Variants in TANC2 observed in about 807,000 individuals in gnomAD.
TANC2 encodes tetratricopeptide repeat, ankyrin repeat and coiled-coil containing 2.
A neutral mutation model predicts 210.5 loss-of-function variants in TANC2; 26 were observed. The ratio of observed to expected loss-of-function variants is 0.12; its 90% confidence interval spans 0.09 to 0.17. TANC2 has a LOEUF of 0.17. TANC2 is among the 10% of genes least tolerant of loss of function. The pLI, the probability that TANC2 is intolerant of heterozygous loss-of-function variation, is 1.00. For missense variants in TANC2, 2,129 were observed against 2,608.9 expected (o/e 0.82, Z 4.01); for synonymous variants, 931 against 967.1 (o/e 0.96, Z 0.69).
chr17:63,149,343 C>A (rs187553474), intron 4 of TANC2: 1 of 152,188 alleles, frequency 6.6e-6, no homozygotes, highest in Admixed American at 6.5e-5. Flanking sequence ...TCTCATAATT[C>A]TTGTACACGC....
chr17:63,309,667 A>G (rs2045050562), intron 9 of TANC2, among the ~76,000 whole-genome samples: 1 of 152,180 alleles, frequency 6.6e-6, no homozygotes, highest in Admixed American at 6.5e-5. Context: ...AACTGTCAGA[A>G]CTGAATGAAT....
intron 5 of TANC2, among the ~76,000 whole-genome samples, chr17:63,161,106 T>A (rs2040010384): frequency 6.6e-6 from 1 of 152,208 alleles, no homozygotes; most frequent in African/African-American, 2.4e-5. Context: ...CATCCTTTAA[T>A]GAGTTTTCTC....
intron 15 of TANC2, chr17:63,388,187 AC>A (rs2047846528): frequency 6.5e-6 from 1 of 152,696 alleles, no homozygotes; most frequent in South Asian, 2.1e-4. Context: ...AATTTTATTC[AC>A]CAGAATTCAG....
At chr17:63,310,821 G>A (rs935904397) in intron 9 of TANC2, among the ~76,000 whole-genome samples, 3 of 152,184 alleles carry the variant, frequency 2.0e-5, no homozygotes, top group African/African-American at 7.2e-5. Context: ...GAGGGATATG[G>A]TCATTTTCAC....
chr17:63,326,426 T>C (rs2045648948), intron 11 of TANC2, among the ~76,000 whole-genome samples: 1 of 152,172 alleles, frequency 6.6e-6, no homozygotes, highest in Non-Finnish European at 1.5e-5. Context: ...GGAAGAAAAC[T>C]TAGTAACTTT....
chr17:63,420,991 A>G lies in TANC2; in HGVS notation c.5261A>G (p.Asp1754Gly). The G allele has an allele frequency of 6.2e-7, 1 of 1,613,980 alleles. No individual in the cohort carries two copies. Among genetic ancestry groups the G allele is most frequent in the Non-Finnish European group, 8.5e-7 (1 of 1,179,888 alleles). The change falls in exon 28 of 28, where the codon GAT (aspartate) becomes GGT (glycine). Residue 1754 changes from aspartate (D) to glycine (G), a missense_variant. Physicochemically the swap from Asp to Gly is moderately conservative, Grantham distance 94. Transcript: ENST00000689528. This position sits in a 1 kb window ranked among gnomAD's most constrained non-coding sequence, Gnocchi z 4.2. ...GGGTCAATTGGGGGAATCGTAGGGGATGGAAGGCCGGTGCAGCATGTCCAA... is the reference window on the plus strand; with the variant it reads ...GGGTCAATTGGGGGAATCGTAGGGGGTGGAAGGCCGGTGCAGCATGTCCAA...
chr17:63,188,586 CAA>C (rs1046526941), intron 5 of TANC2, among the ~76,000 whole-genome samples: 8 of 58,724 alleles, frequency 1.4e-4, no homozygotes, highest in African/African-American at 1.2e-4. Flanking sequence ...AGACTCTGTC[CAA>C]AAAAAAAAAA....
intron 2 of TANC2, among the ~76,000 whole-genome samples, chr17:63,063,987 T>C (rs895531220): frequency 6.6e-6 from 1 of 152,180 alleles, no homozygotes; most frequent in African/African-American, 2.4e-5. Flanking sequence ...ACTGAGTATG[T>C]AATCTTCAAT....
intron 4 of TANC2, among the ~76,000 whole-genome samples, chr17:63,135,102 G>A (rs2039046305): frequency 6.6e-6 from 1 of 152,134 alleles, no homozygotes; most frequent in African/African-American, 2.4e-5. Flanking sequence ...TGTGGTCCCA[G>A]CTACTTGGGA....
chr17:63,062,462 C>A (rs1397432910), intron 2 of TANC2, among the ~76,000 whole-genome samples: 3 of 152,194 alleles, frequency 2.0e-5, no homozygotes, highest in African/African-American at 7.2e-5. Flanking sequence ...CAAGAGTACA[C>A]ATGGCTAAAC....
intron 1 of TANC2, among the ~76,000 whole-genome samples, chr17:62,999,609 G>A (rs1285767325): frequency 6.6e-6 from 1 of 150,944 alleles, no homozygotes; most frequent in African/African-American, 2.5e-5. Context: ...AAAACATTAT[G>A]AGATTTTTTT....
chr17:63,059,692 TG>T (rs1262250344), intron 2 of TANC2, among the ~76,000 whole-genome samples: 1 of 152,070 alleles, frequency 6.6e-6, no homozygotes, highest in Non-Finnish European at 1.5e-5. Context: ...TGTTTTGTTT[TG>T]TTTTTTTGTT....
intron 2 of TANC2, 129 bp downstream of exon 2, chr17:63,009,755 T>C: frequency 1.3e-6 from 1 of 756,142 alleles, no homozygotes; most frequent in Non-Finnish European, 2.2e-6. Flanking sequence ...TACATTTCTT[T>C]GGGCTTTCAT....
intron 8 of TANC2, among the ~76,000 whole-genome samples, chr17:63,239,199 T>TA (rs1349924893): frequency 1.3e-5 from 2 of 151,024 alleles, no homozygotes; most frequent in Non-Finnish European, 3.0e-5. Flanking sequence ...GTGGTTGAAA[T>TA]ACGGAGTCAT....
chr17:63,109,911 G>C (rs1286059646), intron 4 of TANC2, among the ~76,000 whole-genome samples: 1 of 151,638 alleles, frequency 6.6e-6, no homozygotes, highest in Non-Finnish European at 1.5e-5. Context: ...CTTCTTTCAC[G>C]TGGCAGTCTT....
intron 12 of TANC2, among the ~76,000 whole-genome samples, chr17:63,344,936 A>G (rs2046351250): frequency 6.6e-6 from 1 of 152,152 alleles, no homozygotes. Flanking sequence ...ATTGCCATAT[A>G]TGAAACCTGA....
chr17:63,275,149 C>G (rs962206681), intron 9 of TANC2, among the ~76,000 whole-genome samples: 3 of 152,118 alleles, frequency 2.0e-5, no homozygotes, highest in Non-Finnish European at 4.4e-5. Flanking sequence ...TATTGAGACC[C>G]TAACCTGCCT....
chr17:63,288,920 C>T (rs1567885298), intron 9 of TANC2, among the ~76,000 whole-genome samples: 1 of 152,114 alleles, frequency 6.6e-6, no homozygotes, highest in African/African-American at 2.4e-5. Flanking sequence ...CCAGGAAAGT[C>T]TTTATTTCTC....
At chr17:63,276,494 CTTTT>C (rs554302518) in intron 9 of TANC2, among the ~76,000 whole-genome samples, 2 of 134,172 alleles carry the variant, frequency 1.5e-5, no homozygotes, top group Non-Finnish European at 1.6e-5. Flanking sequence ...TTTTCCCTTT[CTTTT>C]TTTTTTTTTT....
Sources: gnomAD v4.1 joint callset for allele counts (sites outside exome capture counted in the v4.1 genomes callset) on GRCh38, gnomAD v4.1.1 for gene constraint, Gnocchi (gnomAD v3.1) non-coding constraint, MANE v1.5 for transcripts, NCBI Gene and HGNC (gene_info 2026-07-23, HGNC 2026-07-21) for gene names.